Variants in PIGG observed in about 807,000 individuals in gnomAD.
PIGG encodes the protein phosphatidylinositol glycan anchor biosynthesis class G (EMM blood group).
PIGG carries 70 observed loss-of-function variants against 83.2 expected under a neutral mutation model. The ratio of observed to expected loss-of-function variants is 0.84; its 90% confidence interval spans 0.69 to 1.03. PIGG has a LOEUF of 1.03. Among genes scored for constraint, PIGG ranks in the 50% least tolerant of loss-of-function variants. The pLI is 0.00. For missense variants in PIGG, 1,257 were observed against 1,233.6 expected (o/e 1.02, Z -0.28); for synonymous variants, 532 against 519.5 (o/e 1.02, Z -0.33).
intron 12 of PIGG, among the ~76,000 whole-genome samples, chr4:534,676 C>T (rs769286699): frequency 1.7e-4 from 26 of 152,244 alleles, no homozygotes; most frequent in African/African-American, 5.5e-4. Context: ...AACACCCACC[C>T]GTCTCCTGGC....
In PIGG at chr4:527,019, C is replaced by T. The variant is rs1727820770; in HGVS notation, c.2070-20C>T. 2.5e-6 allele frequency: 4 copies of T among 1,613,972 alleles called. No homozygotes were observed. The highest frequency in any genetic ancestry group is 1.3e-5 in the African/African-American group (1 of 75,040). On this transcript the variant is annotated intron_variant, in intron 9 of 12. Transcript: ENST00000453061. ...TCGCTGTTTGTTTACGTAATGCTGG[C>T]ATTTTCCATCTCATTTCAGCTCTGA...
rs775569666 is a variant in PIGG at position 516,171 on chromosome 4, C to T, written c.1100C>T (p.Pro367Leu). 3.5e-5 allele frequency: 56 copies of T among 1,612,270 alleles called. No homozygotes were observed. In the Middle Eastern group the frequency reaches 4.9e-4, roughly 14 times the overall value. The change falls in exon 6 of 13, where the codon CCG (proline) becomes CTG (leucine). Residue 367 changes from proline to leucine, a missense_variant. Physicochemically the swap from Pro to Leu is moderately conservative, Grantham distance 98. Transcript: ENST00000453061. ...AGTAAACTGTTGCAAGAGAATGTGC[C>T]GTCATATGAAAAAGGTCAGTCAACT... Reference protein sequence around the residue: ...QLSKLLQENVPSYEKDPGFEQ... With the variant: ...QLSKLLQENVLSYEKDPGFEQ...
At chr4:509,036 A>G in intron 5 of PIGG, 66 bp downstream of exon 5, 1 of 1,417,962 alleles carries the variant, frequency 7.1e-7, no homozygotes. Context: ...TCTGGTTTTA[A>G]TTTTGAAAAC....
At chr4:507,840 C>T (rs1319686905) in intron 4 of PIGG, among the ~76,000 whole-genome samples, 1 of 152,232 alleles carries the variant, frequency 6.6e-6, no homozygotes, top group Non-Finnish European at 1.5e-5. Flanking sequence ...ACTAATACCT[C>T]CTGAAGACCT....
In PIGG at chr4:539,463, T is replaced by C. The variant is rs1731553943; in HGVS notation, c.*94T>C. 2 of 720,706 alleles carry C rather than the reference T, an allele frequency of 2.8e-6. No individual in the cohort carries two copies. The highest frequency in any genetic ancestry group is 1.8e-5 in the South Asian group (1 of 55,826). 44.6% of individuals were successfully genotyped at this position (720,706 alleles called of 1,614,324 possible). A position where few individuals can be genotyped will look rare whatever the true frequency, so the allele number is the denominator to read the frequency against. ...ATTCAACAAAGTTGATGGATAACTTTCTTTGACTGCTCTACCTGAATTTAG... is the reference window on the plus strand; with the variant it reads ...ATTCAACAAAGTTGATGGATAACTTCCTTTGACTGCTCTACCTGAATTTAG... On this transcript the variant is annotated 3_prime_UTR_variant, in exon 13 of 13. Coordinates refer to ENST00000453061, the MANE Select transcript of PIGG (RefSeq NM_001127178.3).
chr4:539,441 C>A lies in PIGG; in HGVS notation c.*72C>A. ...TATTCTAAAATGAAAGATATGAATT[C>A]AACAAAGTTGATGGATAACTTTCTT... On this transcript the variant is annotated 3_prime_UTR_variant, in exon 13 of 13. Transcript: ENST00000453061. 1.1e-6 allele frequency: 1 copy of A among 926,814 alleles called. No homozygotes were observed. Among genetic ancestry groups the A allele is most frequent in the Non-Finnish European group, 1.7e-6 (1 of 602,296 alleles). The allele number at this position is 926,814 out of a possible 1,614,324, so 57.4% of individuals were successfully genotyped here. A position where few individuals can be genotyped will look rare whatever the true frequency, so the allele number is the denominator to read the frequency against.
At chr4:512,172 T>C (rs1722185118) in intron 5 of PIGG, among the ~76,000 whole-genome samples, 1 of 152,012 alleles carries the variant, frequency 6.6e-6, no homozygotes, top group Admixed American at 6.5e-5. Flanking sequence ...AGTTCAAGTC[T>C]ATTGTTAAAC....
intron 2 of PIGG, among the ~76,000 whole-genome samples, chr4:504,898 A>T (rs1171176985): frequency 6.6e-6 from 1 of 152,134 alleles, no homozygotes; most frequent in East Asian, 1.9e-4. Flanking sequence ...GTGGGAGCAG[A>T]AGAGACTATC....
At chr4:516,715 G>C (rs1723980419) in intron 6 of PIGG, among the ~76,000 whole-genome samples, 1 of 152,060 alleles carries the variant, frequency 6.6e-6, no homozygotes, top group Non-Finnish European at 1.5e-5. Flanking sequence ...AATTAGCCAG[G>C]CATGGTGGCG....
intron 5 of PIGG, among the ~76,000 whole-genome samples, chr4:510,082 C>T (rs557052543): frequency 2.6e-5 from 4 of 152,170 alleles, no homozygotes; most frequent in South Asian, 4.1e-4. Context: ...GACCCAGCAG[C>T]GCTAGAGGAA....
intron 11 of PIGG, 57 bp from the exon 12 acceptor site, chr4:533,761 G>A (rs1011789586): frequency 1.4e-5 from 21 of 1,542,916 alleles, no homozygotes; most frequent in East Asian, 1.4e-4. Context: ...CGCTAACATC[G>A]TGGCTGTTGA....
rs1296177827 is a variant in PIGG, at chr4:530,428, T to C, written c.2262-8T>C. On this transcript the variant is annotated splice_region_variant and splice_polypyrimidine_tract_variant and intron_variant, in intron 10 of 12. Coordinates refer to ENST00000453061, the MANE Select transcript of PIGG (RefSeq NM_001127178.3). ...CTAATGAATCTAACTTGTTTTGCTC[T>C]TTTTTAGGGGTATTATTGAAGCTCG... 6.2e-7 allele frequency: 1 copy of C among 1,600,272 alleles called. No individual in the cohort carries two copies. Among genetic ancestry groups the C allele is most frequent in the East Asian group, 2.2e-5 (1 of 44,762 alleles).
intron 2 of PIGG, among the ~76,000 whole-genome samples, chr4:504,285 G>A (rs782395688): frequency 2.6e-5 from 4 of 152,148 alleles, no homozygotes; most frequent in Non-Finnish European, 5.9e-5. Context: ...GCCACTGATT[G>A]GTCAGAGGTT....
rs538464946 is a variant in PIGG, at chr4:527,277, G to A, written c.2261+47G>A. The A allele has an allele frequency of 1.4e-5, 21 of 1,519,526 alleles. No homozygotes were observed. In the South Asian group the frequency reaches 2.1e-4, roughly 15 times the overall value. 94.1% of individuals were successfully genotyped at this position (1,519,526 alleles called of 1,614,324 possible). ...GGTGCATAGAGCCACTTTACTGTTT[G>A]AAGAACTGGCGGACACGGGGCGCGT... is the stretch of plus-strand genomic sequence containing the variant. On this transcript the variant is annotated intron_variant, in intron 10 of 12. Coordinates refer to ENST00000453061, the MANE Select transcript of PIGG (RefSeq NM_001127178.3).
At chr4:525,066 G>A (rs751487924) in intron 9 of PIGG, 11 of 338,652 alleles carry the variant, frequency 3.2e-5, no homozygotes, top group East Asian at 1.7e-4. Flanking sequence ...CAAGAAGGAC[G>A]GGGTCAGCCA....
At chr4:506,743 G>A (rs938734273) in intron 3 of PIGG, 20 of 455,960 alleles carry the variant, frequency 4.4e-5, no homozygotes, top group Admixed American at 1.4e-4. Flanking sequence ...TCTCTCCTCC[G>A]TGATGTGTTT....
intron 1 of PIGG, chr4:500,130 C>A: frequency 2.3e-6 from 1 of 442,744 alleles, no homozygotes; most frequent in African/African-American, 2.0e-5. Flanking sequence ...AGGACCCTTA[C>A]GTAGGGATTC....
At position 523,532 on chromosome 4, in the gene PIGG, T is replaced by C. The variant is rs1436852901; in HGVS notation, c.1688T>C (p.Leu563Ser). 6.2e-7 allele frequency: 1 copy of C among 1,614,198 alleles called. No homozygotes were observed. The highest frequency in any genetic ancestry group is 8.5e-7 in the Non-Finnish European group (1 of 1,180,016). ...LILLGTAGHV[L>S]SLGASSFVEE... is the part of the protein sequence containing the mutation. The stretch of plus-strand genomic sequence containing the variant: ...CTGTTGGGGACGGCGGGCCACGTCT[T>C]GAGCCTGGGCGCCAGCAGCTTCGTG... Residue 563 changes from leucine (L) to serine (S), a missense_variant, in exon 9 of 13, where the codon TTG becomes TCG. Coordinates refer to ENST00000453061, the MANE Select transcript of PIGG (RefSeq NM_001127178.3).
intron 1 of PIGG, chr4:499,986 G>A (rs981543131): frequency 6.0e-5 from 14 of 231,522 alleles, no homozygotes; most frequent in African/African-American, 1.2e-4. Context: ...TATACAGCAA[G>A]TAAAGGCGCC....
Sources: allele counts gnomAD v4.1 joint callset (sites outside exome capture counted in the v4.1 genomes callset), GRCh38; gene constraint gnomAD v4.1.1; transcripts MANE v1.5; gene names NCBI Gene and HGNC (gene_info 2026-07-23, HGNC 2026-07-21).